ACTL8: variants seen among roughly 807,000 people sequenced by gnomAD.
The protein encoded by ACTL8 is actin-like protein 8.
In ACTL8, 3 loss-of-function variants were observed where a neutral mutation model predicts 9.3. The observed-to-expected ratio is 0.32, with a 90% confidence interval of 0.15 to 0.83. The LOEUF (loss-of-function observed/expected upper bound fraction) is 0.83. Among genes scored for constraint, ACTL8 ranks in the 40% least tolerant of loss-of-function variants. ACTL8 has a pLI of 0.57. For missense variants in ACTL8, 381 were observed against 492.2 expected, an observed-to-expected ratio of 0.77 and a Z score of 2.14; for synonymous variants, 224 against 205.9, an observed-to-expected ratio of 1.09 and a Z score of -0.75.
chr1:17,783,033 G>T (rs2066167595), intron 1 of ACTL8, among the ~76,000 whole-genome samples: 1 of 152,142 alleles, frequency 6.6e-6, no homozygotes, highest in South Asian at 2.1e-4. Context: ...GGGCAAATGG[G>T]GCCAGACACT....
At position 17,823,039 on chromosome 1, in the gene ACTL8, G is replaced by A. The variant is rs1431684348; in HGVS notation, c.31G>A (p.Gly11Arg). The A allele has an allele frequency of 6.2e-7, 1 of 1,613,964 alleles. No homozygotes were observed. Among genetic ancestry groups the A allele is most frequent in the Non-Finnish European group, 8.5e-7 (1 of 1,180,028 alleles). The change falls in exon 2 of 3, where the codon GGG (glycine) becomes AGG (arginine). Residue 11 changes from glycine (G) to arginine (R), a missense_variant. Transcript: ENST00000375406. The surrounding 1 kb of genome is among the most constrained non-coding windows in gnomAD (Gnocchi z 5.3). The part of the protein sequence containing the change: MAARTVIIDH[G>R]SGFLKAGTAG... ...TGCAAGAACCGTTATCATTGACCACGGGTCTGGCTTTTTGAAGGCTGGCAC... is the reference window on the plus strand; with the variant it reads ...TGCAAGAACCGTTATCATTGACCACAGGTCTGGCTTTTTGAAGGCTGGCAC...
rs2066054370 is a variant in ACTL8, at chr1:17,767,679, C to A, written c.-25+12175C>A. 6.6e-6 allele frequency among the ~76,000 whole-genome samples: 1 copy of A among 152,154 alleles called. No homozygotes were observed. Among genetic ancestry groups the A allele is most frequent in the South Asian group, 2.1e-4 (1 of 4,828 alleles). ...TCACCATGTTTATCCTCCATAGGTG[C>A]TTTATTATTATTTTTGGCATCTGCA... On this transcript the variant is annotated intron_variant, in intron 1 of 2. Transcript: ENST00000375406. The surrounding 1 kb of genome is among the most constrained non-coding windows in gnomAD (Gnocchi z 4.7).
At chr1:17,820,219 T>G (rs969777748) in intron 1 of ACTL8, among the ~76,000 whole-genome samples, 2 of 152,298 alleles carry the variant, frequency 1.3e-5, no homozygotes, top group East Asian at 3.9e-4. Flanking sequence ...CCTTATAGTT[T>G]TACCTTTTCC....
intron 1 of ACTL8, among the ~76,000 whole-genome samples, chr1:17,762,164 C>T (rs554844012): frequency 1.4e-4 from 22 of 152,080 alleles, no homozygotes; most frequent in East Asian, 7.8e-4. Flanking sequence ...GCCTGGAGTC[C>T]GGCATAACTG....
intron 1 of ACTL8, among the ~76,000 whole-genome samples, chr1:17,772,290 T>C (rs866136035): frequency 1.3e-5 from 2 of 152,218 alleles, no homozygotes; most frequent in East Asian, 1.9e-4. Context: ...TCGGGAGTTA[T>C]GAGCGGTGGG....
chr1:17,755,709 A>C (rs1437451635), intron 1 of ACTL8, among the ~76,000 whole-genome samples: 1 of 151,894 alleles, frequency 6.6e-6, no homozygotes, highest in Non-Finnish European at 1.5e-5. Flanking sequence ...TTCCTTAGGG[A>C]CTTGATTTCA....
At chr1:17,772,867 T>TA (rs983704063) in intron 1 of ACTL8, among the ~76,000 whole-genome samples, 1 of 151,450 alleles carries the variant, frequency 6.6e-6, no homozygotes, top group African/African-American at 2.4e-5. Context: ...TCTGTGTGGG[T>TA]AATGAGGTCT....
intron 1 of ACTL8, among the ~76,000 whole-genome samples, chr1:17,791,683 A>G (rs1465739926): frequency 1.3e-5 from 2 of 152,208 alleles, no homozygotes; most frequent in Non-Finnish European, 2.9e-5. Flanking sequence ...GCACCGGGCC[A>G]TGGGCACCAG....
At chr1:17,794,708 A>G (rs2066265133) in intron 1 of ACTL8, among the ~76,000 whole-genome samples, 1 of 152,182 alleles carries the variant, frequency 6.6e-6, no homozygotes, top group Admixed American at 6.5e-5. Flanking sequence ...AAATTTCTGT[A>G]TCAAGCTCTT....
In ACTL8 at chr1:17,762,591, G is replaced by A. The variant is rs139641738; in HGVS notation, c.-25+7087G>A. Among the ~76,000 whole-genome samples, 380 of 152,280 alleles carry A rather than the reference G, an allele frequency of 2.5e-3. 1 individual carries two copies. The highest frequency in any genetic ancestry group is 8.3e-3 in the African/African-American group (344 of 41,562). Reference sequence around the variant, plus strand: ...TCGGCCAGGCAGCTTGAGTGTGACTGTTTGGCAGTGGTTGTGCACTGTGTC... The same window carrying A: ...TCGGCCAGGCAGCTTGAGTGTGACTATTTGGCAGTGGTTGTGCACTGTGTC... On this transcript the variant is annotated intron_variant, in intron 1 of 2. Coordinates refer to ENST00000375406, the MANE Select transcript of ACTL8 (RefSeq NM_030812.3).
chr1:17,785,872 G>T (rs1288522828), intron 1 of ACTL8, among the ~76,000 whole-genome samples: 1 of 152,122 alleles, frequency 6.6e-6, no homozygotes, highest in African/African-American at 2.4e-5. Flanking sequence ...AGCTTAGCTG[G>T]GTCTCCTGCT....
At chr1:17,817,397 A>C (rs908176310) in intron 1 of ACTL8, among the ~76,000 whole-genome samples, 2 of 152,186 alleles carry the variant, frequency 1.3e-5, no homozygotes, top group African/African-American at 4.8e-5. Context: ...TTCAATGGAC[A>C]TGCTTTAGCC....
intron 1 of ACTL8, among the ~76,000 whole-genome samples, chr1:17,793,230 C>G (rs1364001486): frequency 6.6e-6 from 1 of 152,172 alleles, no homozygotes; most frequent in Admixed American, 6.5e-5. Context: ...ATTGGGTGCT[C>G]TTGGTCTGAA....
In ACTL8 at chr1:17,826,091, C is replaced by G. The variant is rs267598220; in HGVS notation, c.673C>G (p.Arg225Gly). The G allele has an allele frequency of 6.2e-7, 1 of 1,608,750 alleles. No homozygotes were observed. The highest frequency in any genetic ancestry group is 2.2e-5 in the East Asian group (1 of 44,854). Residue 225 changes from arginine (R) to glycine (G), a missense_variant, in exon 3 of 3, where the codon CGT becomes GGT. Arg to Gly is a moderately radical substitution (Grantham distance 125, BLOSUM62 -2). This residue lies in a region of ACTL8 where 243 missense variants were observed against 276.2 expected (regional missense o/e 0.88). Coordinates refer to ENST00000375406, the MANE Select transcript of ACTL8 (RefSeq NM_030812.3). This position sits in a 1 kb window ranked among gnomAD's most constrained non-coding sequence, Gnocchi z 4.5. ...PQNLGEALDF[R>G]ERQQSALDES... ...GAATCTGGGGGAGGCCCTGGACTTT[C>G]GTGAGAGGCAGCAGAGTGCCTTGGA...
intron 1 of ACTL8, among the ~76,000 whole-genome samples, chr1:17,800,523 G>A (rs1387923759): frequency 2.0e-5 from 3 of 151,222 alleles, no homozygotes; most frequent in Non-Finnish European, 2.9e-5. Context: ...TGCCCTTGCC[G>A]GGACTTCGTT....
chr1:17,821,993 A>T (rs1488385136), intron 1 of ACTL8, among the ~76,000 whole-genome samples: 1 of 152,200 alleles, frequency 6.6e-6, no homozygotes, highest in Non-Finnish European at 1.5e-5. Context: ...AAGTCTGAAC[A>T]TCAGGTAGTG....
chr1:17,815,841 T>G (rs2066422993), intron 1 of ACTL8, among the ~76,000 whole-genome samples: 1 of 152,214 alleles, frequency 6.6e-6, no homozygotes, highest in Non-Finnish European at 1.5e-5. Context: ...GAAGCTTTGC[T>G]CAGTAAATTT....
At chr1:17,798,672 A>T (rs577347267) in intron 1 of ACTL8, among the ~76,000 whole-genome samples, 38 of 152,318 alleles carry the variant, frequency 2.5e-4, no homozygotes, top group Admixed American at 1.4e-3. Context: ...ACTGCTTTTT[A>T]AAAAAATCTA....
At chr1:17,756,642 G>A (rs975388823) in intron 1 of ACTL8, among the ~76,000 whole-genome samples, 1 of 152,134 alleles carries the variant, frequency 6.6e-6, no homozygotes, top group African/African-American at 2.4e-5. Context: ...TACAGAATTG[G>A]TGTCAGGAAT....
Sources: allele counts gnomAD v4.1 joint callset (sites outside exome capture counted in the v4.1 genomes callset), GRCh38; gene constraint gnomAD v4.1.1; regional missense constraint gnomAD v4.1.1; non-coding constraint Gnocchi (gnomAD v3.1); transcripts MANE v1.5; gene names NCBI Gene and HGNC (gene_info 2026-07-23, HGNC 2026-07-21).